Variants in RGS1 observed in about 807,000 individuals in gnomAD.
RGS1 encodes the protein B-cell activation protein BL34.
Under a neutral mutation model 22.2 loss-of-function variants are expected in RGS1, and 11 were observed. The ratio of observed to expected loss-of-function variants is 0.50; its 90% confidence interval spans 0.31 to 0.82. The LOEUF is 0.82. Ranked by LOEUF, RGS1 falls within the 40% of genes least tolerant of loss-of-function variation. RGS1 has a pLI of 0.04. For missense variants in RGS1, 255 were observed against 245.8 expected, an observed-to-expected ratio of 1.04 and a Z score of -0.25; for synonymous variants, 81 against 79.9, an observed-to-expected ratio of 1.01 and a Z score of -0.07.
intron 4 of RGS1, chr1:192,578,653 G>T (rs1662107636): frequency 1.9e-6 from 1 of 522,472 alleles, no homozygotes; most frequent in African/African-American, 1.9e-5. Flanking sequence ...TTACTGACCA[G>T]AACTGCATGT....
chr1:192,578,973 T>C (rs1488618482), intron 4 of RGS1, 164 bp from the exon 5 acceptor site: 2 of 638,016 alleles, frequency 3.1e-6, no homozygotes. Context: ...CTTATCTCCT[T>C]CACACCTAGT....
intron 3 of RGS1, 165 bp from the exon 4 acceptor site, chr1:192,578,057 C>T: frequency 1.3e-6 from 1 of 787,386 alleles, no homozygotes; most frequent in South Asian, 2.2e-5. Context: ...CAAATGACTT[C>T]TCATCTCTAC....
chr1:192,579,636 A>C lies in RGS1; in HGVS notation c.*314A>C. 1 of 256,438 alleles carries C rather than the reference A, an allele frequency of 3.9e-6. No individual in the cohort carries two copies. Among genetic ancestry groups the C allele is most frequent in the Non-Finnish European group, 7.4e-6 (1 of 135,768 alleles). The allele number at this position is 256,438 out of a possible 1,614,324, so 15.9% of individuals were successfully genotyped here. A position where few individuals can be genotyped will look rare whatever the true frequency, so the allele number is the denominator to read the frequency against. ...TCTAGTTACACAGAAACTGTGACTA[A>C]AGTCTATGAAACTGATTACAACAGA... On this transcript the variant is annotated 3_prime_UTR_variant, in exon 5 of 5. Coordinates refer to ENST00000367459, the MANE Select transcript of RGS1 (RefSeq NM_002922.4).
intron 2 of RGS1, 120 bp downstream of exon 2, chr1:192,576,485 A>G (rs1035263429): frequency 1.3e-5 from 9 of 719,208 alleles, no homozygotes; most frequent in Admixed American, 5.9e-5. Flanking sequence ...TTTAAGTAAC[A>G]TGCCAAATAA....
chr1:192,575,980 T>C (rs80272816), intron 1 of RGS1, 51 bp downstream of exon 1: 26,585 of 1,599,680 alleles, frequency 0.017, 275 homozygotes, highest in Middle Eastern at 0.024. Context: ...TTATCTTTAA[T>C]GGCAGAAGGA....
At chr1:192,576,505 A>G in intron 2 of RGS1, 140 bp downstream of exon 2, 2 of 654,660 alleles carry the variant, frequency 3.1e-6, no homozygotes, top group East Asian at 2.8e-5. Context: ...AAATTAGACT[A>G]TCAGTACCAA....
Position 192,578,395 on chromosome 1 carries a change from A to C in RGS1, c.444+10A>C, listed in dbSNP as rs1662101064. On this transcript the variant is annotated intron_variant, in intron 4 of 4. Coordinates refer to ENST00000367459, the MANE Select transcript of RGS1 (RefSeq NM_002922.4). Reference sequence around the variant, plus strand: ...AGATGCTGCTAAACAAGTGAGTATTAAGCTTATCATCATCAGTTTCTCCAT... The same window carrying C: ...AGATGCTGCTAAACAAGTGAGTATTCAGCTTATCATCATCAGTTTCTCCAT... 1.2e-6 allele frequency: 2 copies of C among 1,611,388 alleles called. No individual in the cohort carries two copies. Among genetic ancestry groups the C allele is most frequent in the Non-Finnish European group, 1.7e-6 (2 of 1,179,310 alleles).
intron 4 of RGS1, chr1:192,578,867 T>C: frequency 4.6e-6 from 2 of 438,708 alleles, no homozygotes; most frequent in Admixed American, 4.0e-5. Context: ...ACATGGATCA[T>C]CTTATGTGGA....
chr1:192,577,105 T>TG (rs1436153496), intron 3 of RGS1: 6 of 342,496 alleles, frequency 1.8e-5, no homozygotes, highest in African/African-American at 1.3e-4. Flanking sequence ...GCTGGGATTC[T>TG]GATATGTAAA....
chr1:192,579,373 T>C lies in RGS1; in HGVS notation c.*51T>C. On this transcript the variant is annotated 3_prime_UTR_variant, in exon 5 of 5. Coordinates refer to ENST00000367459, the MANE Select transcript of RGS1 (RefSeq NM_002922.4). ...CAGATAGTATCAAGCGCAGAAGGAA[T>C]GTGCCAGTATGGCTCCCTGGGTGAA... 2 of 1,565,220 alleles carry C rather than the reference T, an allele frequency of 1.3e-6. No individual in the cohort carries two copies. Among genetic ancestry groups the C allele is most frequent in the Non-Finnish European group, 1.7e-6 (2 of 1,146,262 alleles).
At chr1:192,576,507 C>T in intron 2 of RGS1, 142 bp downstream of exon 2, 2 of 654,302 alleles carry the variant, frequency 3.1e-6, no homozygotes, top group Non-Finnish European at 5.3e-6. Context: ...ATTAGACTAT[C>T]AGTACCAATG....
intron 4 of RGS1, 180 bp from the exon 5 acceptor site, chr1:192,578,957 A>G (rs1331657599): frequency 1.7e-6 from 1 of 578,926 alleles, no homozygotes; most frequent in East Asian, 3.0e-5. Flanking sequence ...CATTTTTGTA[A>G]TATTTCTTAT....
chr1:192,577,302 C>G (rs1312364419), intron 3 of RGS1: 1 of 152,902 alleles, frequency 6.5e-6, no homozygotes, highest in African/African-American at 2.4e-5. Flanking sequence ...ACCAAGGATT[C>G]AAAATCAAAG....
chr1:192,579,253 T>C lies in RGS1; in HGVS notation c.561T>C (p.Tyr187=), dbSNP rs1662122875. 6.2e-7 allele frequency: 1 copy of C among 1,613,200 alleles called. No homozygotes were observed. The highest frequency in any genetic ancestry group is 8.5e-7 in the Non-Finnish European group (1 of 1,179,402). ...ATACTCTTATGGAAAAGGACTCTTA[T>C]CCCAGGTTCCTCAAATCAGATATTT... The part of the protein sequence containing the change: ...VIYTLMEKDS[Y]PRFLKSDIYL... The change falls in exon 5 of 5, where the codon TAT becomes TAC. Residue 187 remains tyrosine (Y), a synonymous_variant. Coordinates refer to ENST00000367459, the MANE Select transcript of RGS1 (RefSeq NM_002922.4).
At position 192,575,995 on chromosome 1, in the gene RGS1, G is replaced by A. The variant is rs995152130; in HGVS notation, c.137+66G>A. On this transcript the variant is annotated intron_variant, in intron 1 of 4. Transcript: ENST00000367459. ...TTATCTTTAATGGCAGAAGGATTGA[G>A]AATGAATGGAAGAGAGTGTGAGCAT... The A allele has an allele frequency of 3.8e-6, 6 of 1,570,846 alleles. No homozygotes were observed. In the African/African-American group the frequency reaches 5.4e-5, roughly 14 times the overall value.
In RGS1 at chr1:192,579,335, T is replaced by G; in HGVS notation, c.*13T>G. 3 of 1,609,972 alleles carry G rather than the reference T, an allele frequency of 1.9e-6. No homozygotes were observed. Among genetic ancestry groups the G allele is most frequent in the Non-Finnish European group, 2.5e-6 (3 of 1,177,448 alleles). On this transcript the variant is annotated 3_prime_UTR_variant, in exon 5 of 5. Coordinates refer to ENST00000367459, the MANE Select transcript of RGS1 (RefSeq NM_002922.4). ...TAGCCTAAAGTGACTGGTCCCTGGC[T>G]GAAGGGAATTAACAGATAGTATCAA...
At chr1:192,578,435 G>T in intron 4 of RGS1, 50 bp downstream of exon 4, 2 of 1,589,434 alleles carry the variant, frequency 1.3e-6, no homozygotes, top group Non-Finnish European at 1.7e-6. Flanking sequence ...GACCCTATAT[G>T]CAGAAATAAC....
chr1:192,576,251 G>T (rs746017875), intron 1 of RGS1, 34 bp from the exon 2 acceptor site: 1 of 1,434,070 alleles, frequency 7.0e-7, no homozygotes, highest in Non-Finnish European at 9.8e-7. Context: ...GAATTCTGAA[G>T]AAATATGAAT....
chr1:192,578,983 T>C (rs76224403), intron 4 of RGS1, 154 bp from the exon 5 acceptor site: 9 of 691,696 alleles, frequency 1.3e-5, no homozygotes, highest in Non-Finnish European at 2.2e-5. Flanking sequence ...TCACACCTAG[T>C]ATAGAGCTGA....
Sources: gnomAD v4.1 joint callset for allele counts on GRCh38, gnomAD v4.1.1 for gene constraint, MANE v1.5 for transcripts, NCBI Gene and HGNC (gene_info 2026-07-23, HGNC 2026-07-21) for gene names.